The following ZCWPW2 variants were observed in gnomAD, a reference collection of about 807,000 sequenced individuals.
ZCWPW2 encodes zinc finger CW-type PWWP domain protein 2.
Under a neutral mutation model 46.6 loss-of-function variants are expected in ZCWPW2, and 45 were observed. The observed-to-expected ratio is 0.96, with a 90% confidence interval of 0.76 to 1.24. The LOEUF is 1.24. Ranked by LOEUF, ZCWPW2 falls within the 50% of genes most tolerant of loss-of-function variation. The pLI, the probability that ZCWPW2 is intolerant of heterozygous loss-of-function variation, is 0.00. For missense variants in ZCWPW2, 429 were observed against 403.9 expected, an observed-to-expected ratio of 1.06 and a Z score of -0.53; for synonymous variants, 152 against 137.1, an observed-to-expected ratio of 1.11 and a Z score of -0.76.
At position 28,409,995 on chromosome 3, in the gene ZCWPW2, T is replaced by A. The variant is rs550270275; in HGVS notation, c.-13-3061T>A. 3.3e-5 allele frequency among the ~76,000 whole-genome samples: 5 copies of A among 152,174 alleles called. No individual in the cohort carries two copies. The South Asian group carries it at 1.0e-3, about 32-fold the overall frequency. On this transcript the variant is annotated intron_variant, in intron 2 of 9. Transcript: ENST00000383768. ...ATTAGAAAGGGTAAAAGTAAAGGGA[T>A]GGTAAAAGTTATAACTAGGACCAAG...
intron 3 of ZCWPW2, 69 bp downstream of exon 3, chr3:28,413,469 T>G: frequency 7.7e-7 from 1 of 1,302,522 alleles, no homozygotes; most frequent in Non-Finnish European, 1.0e-6. Context: ...TAAAAATCTT[T>G]TTGAAGACTA....
At chr3:28,352,078 C>T (rs955935486) in intron 1 of ZCWPW2, among the ~76,000 whole-genome samples, 13 of 151,506 alleles carry the variant, frequency 8.6e-5, no homozygotes, top group Admixed American at 1.3e-4. Context: ...CTCCTTCCCC[C>T]GTCTCCTTTG....
intron 1 of ZCWPW2, among the ~76,000 whole-genome samples, chr3:28,380,427 C>G (rs895518957): frequency 1.3e-5 from 2 of 152,158 alleles, no homozygotes; most frequent in Admixed American, 1.3e-4. Context: ...AACAAACAAA[C>G]AGAAACAACT....
chr3:28,459,220 A>C (rs920334424), intron 4 of ZCWPW2, among the ~76,000 whole-genome samples: 1 of 152,090 alleles, frequency 6.6e-6, no homozygotes, highest in Admixed American at 6.5e-5. Context: ...AATACAAAAA[A>C]TTAGCCAGGC....
At chr3:28,363,205 A>G (rs910561405) in intron 1 of ZCWPW2, among the ~76,000 whole-genome samples, 1 of 152,140 alleles carries the variant, frequency 6.6e-6, no homozygotes, top group Admixed American at 6.6e-5. Flanking sequence ...TGAACCTAAA[A>G]TAAAAGTTAA....
intron 4 of ZCWPW2, among the ~76,000 whole-genome samples, chr3:28,464,227 C>A (rs1228339938): frequency 6.6e-6 from 1 of 152,034 alleles, no homozygotes; most frequent in African/African-American, 2.4e-5. Flanking sequence ...GAAATCTACA[C>A]ACTGAAAACT....
rs1288624133 is a variant in ZCWPW2, at chr3:28,504,212, A to G, written c.658-9852A>G. Reference sequence around the variant, plus strand: ...GTCCCTATCTCAAATAATGATAATAATAACAATAATTCTTTCACTTTGTTC... The same window carrying G: ...GTCCCTATCTCAAATAATGATAATAGTAACAATAATTCTTTCACTTTGTTC... On this transcript the variant is annotated intron_variant, in intron 6 of 9. Transcript: ENST00000383768. Among the ~76,000 whole-genome samples the G allele has an allele frequency of 1.3e-5, 2 of 152,140 alleles. 1 individual carries two copies. The highest frequency in any genetic ancestry group is 4.8e-5 in the African/African-American group (2 of 41,446).
intron 4 of ZCWPW2, among the ~76,000 whole-genome samples, chr3:28,450,050 A>G (rs1698163679): frequency 6.6e-6 from 1 of 152,214 alleles, no homozygotes; most frequent in South Asian, 2.1e-4. Flanking sequence ...TACTGGATCA[A>G]TTAAATCAGA....
At chr3:28,469,724 GAT>G (rs144992497) in intron 4 of ZCWPW2, among the ~76,000 whole-genome samples, 3 of 150,794 alleles carry the variant, frequency 2.0e-5, no homozygotes, top group East Asian at 3.9e-4. Context: ...ATATATATAT[GAT>G]ATATATATGT....
At chr3:28,445,535 C>A (rs1393619935) in intron 4 of ZCWPW2, among the ~76,000 whole-genome samples, 2 of 151,880 alleles carry the variant, frequency 1.3e-5, no homozygotes, top group Non-Finnish European at 2.9e-5. Flanking sequence ...ACAAAGAAAA[C>A]AGCTATAGAA....
chr3:28,443,297 T>C (rs146914339), intron 4 of ZCWPW2, among the ~76,000 whole-genome samples: 1 of 152,272 alleles, frequency 6.6e-6, no homozygotes, highest in African/African-American at 2.4e-5. Flanking sequence ...CTTGGGGACA[T>C]GTGGAAGAAA....
At chr3:28,410,802 G>T (rs187305992) in intron 2 of ZCWPW2, among the ~76,000 whole-genome samples, 1 of 151,964 alleles carries the variant, frequency 6.6e-6, no homozygotes, top group Non-Finnish European at 1.5e-5. Flanking sequence ...GAAAAGTGCA[G>T]CTATTCATTA....
At chr3:28,385,817 T>C (rs542837674) in intron 1 of ZCWPW2, among the ~76,000 whole-genome samples, 1 of 152,206 alleles carries the variant, frequency 6.6e-6, no homozygotes, top group Non-Finnish European at 1.5e-5. Context: ...CTTAATATTC[T>C]AACAGATTTG....
intron 4 of ZCWPW2, chr3:28,461,038 A>G (rs1268720268): frequency 8.1e-6 from 2 of 246,228 alleles, no homozygotes; most frequent in Admixed American, 7.4e-5. Flanking sequence ...GTAATGATCA[A>G]TATTTGAAAT....
At chr3:28,476,896 G>C (rs1253815997) in intron 4 of ZCWPW2, among the ~76,000 whole-genome samples, 1 of 152,082 alleles carries the variant, frequency 6.6e-6, no homozygotes, top group African/African-American at 2.4e-5. Context: ...GTTCCTATGA[G>C]AGTCTAATGC....
At chr3:28,467,700 T>G (rs1267293959) in intron 4 of ZCWPW2, among the ~76,000 whole-genome samples, 1 of 152,214 alleles carries the variant, frequency 6.6e-6, no homozygotes, top group Non-Finnish European at 1.5e-5. Flanking sequence ...CTGCCTGATA[T>G]TCTAGAGAAT....
chr3:28,359,356 A>G (rs986890093), intron 1 of ZCWPW2, among the ~76,000 whole-genome samples: 1 of 152,092 alleles, frequency 6.6e-6, no homozygotes, highest in Non-Finnish European at 1.5e-5. Context: ...AAGGTACAAA[A>G]CACAGTATAA....
Position 28,435,201 on chromosome 3 carries a change from C to G in ZCWPW2, c.424C>G (p.Leu142Val). 1.9e-6 allele frequency: 3 copies of G among 1,613,480 alleles called. No individual in the cohort carries two copies. Among genetic ancestry groups the G allele is most frequent in the Non-Finnish European group, 2.5e-6 (3 of 1,179,918 alleles). ...GNVEEYHIEF[L>V]GDPHSRSWIK... The stretch of plus-strand genomic sequence containing the variant: ...TGTTGAAGAGTATCACATAGAATTC[C>G]TGGGCGATCCCCATTCAAGATCATG... Residue 142 changes from leucine (L) to valine (V), a missense_variant, in exon 4 of 10, where the codon CTG becomes GTG. Leu to Val is a conservative substitution (Grantham distance 32, BLOSUM62 1). Transcript: ENST00000383768.
At chr3:28,371,887 G>T (rs1452433337) in intron 1 of ZCWPW2, among the ~76,000 whole-genome samples, 1 of 151,876 alleles carries the variant, frequency 6.6e-6, no homozygotes, top group East Asian at 1.9e-4. Flanking sequence ...GAGAGTCTTT[G>T]CCAGTTTCTT....
Sources: allele counts gnomAD v4.1 joint callset (sites outside exome capture counted in the v4.1 genomes callset), GRCh38; gene constraint gnomAD v4.1.1; transcripts MANE v1.5; gene names NCBI Gene and HGNC (gene_info 2026-07-23, HGNC 2026-07-21).